The following ANK2 variants were observed in gnomAD, a reference collection of about 807,000 sequenced individuals.
The protein encoded by ANK2 is ankyrin 2.
ANK2 carries 83 observed loss-of-function variants against 360.5 expected under a neutral mutation model. That is an observed-to-expected ratio of 0.23 (90% CI 0.19 to 0.28). The LOEUF is 0.28. Ranked by LOEUF, ANK2 falls within the 10% of genes least tolerant of loss-of-function variation. ANK2 has a pLI of 1.00. For missense variants in ANK2, 4,201 were observed against 4,795.7 expected, an observed-to-expected ratio of 0.88 and a Z score of 3.66; for synonymous variants, 1,740 against 1,759.5, an observed-to-expected ratio of 0.99 and a Z score of 0.28.
Position 112,837,515 on chromosome 4 carries a change from G to A in ANK2, c.-40+19251G>A, listed in dbSNP as rs150385669. The stretch of plus-strand genomic sequence containing the variant: ...GAGGGCCACCATCCTCCAGACCCAA[G>A]AATGGTAGATCCACCAACAGCTTGC... On this transcript the variant is annotated intron_variant, in intron 1 of 30. Transcript: ENST00000503271. Among the ~76,000 whole-genome samples the A allele has an allele frequency of 4.8e-3, 732 of 152,312 alleles. 7 individuals carry two copies. The highest frequency in any genetic ancestry group is 0.017 in the African/African-American group (686 of 41,566).
At chr4:113,215,598 C>G (rs753627909) in intron 4 of ANK2, among the ~76,000 whole-genome samples, 2 of 151,988 alleles carry the variant, frequency 1.3e-5, no homozygotes, top group Non-Finnish European at 2.9e-5. Flanking sequence ...TTAACTTTAC[C>G]TTGGTATAAC....
At chr4:113,169,908 A>G (rs1314099246) in intron 1 of ANK2, among the ~76,000 whole-genome samples, 3 of 152,164 alleles carry the variant, frequency 2.0e-5, no homozygotes, top group Non-Finnish European at 2.9e-5. Flanking sequence ...AATGTCTGAA[A>G]CTAAATTTAA....
chr4:113,356,773 A>G lies in ANK2; in HGVS notation c.8155A>G (p.Thr2719Ala), dbSNP rs1554563090. ...CCAGCCTGTCGTTTCCAAACAATAT[A>G]CTTTCAAGATGAATGAAGATACTCA... Reference protein sequence around the residue: ...QFQPVVSKQYTFKMNEDTQEE... With the variant: ...QFQPVVSKQYAFKMNEDTQEE... Residue 2719 changes from threonine (T) to alanine (A), a missense_variant, in exon 38 of 46, where the codon ACT becomes GCT. Transcript: ENST00000357077. 1 of 1,614,118 alleles carries G rather than the reference A, an allele frequency of 6.2e-7. No homozygotes were observed. Among genetic ancestry groups the G allele is most frequent in the South Asian group, 1.1e-5 (1 of 91,082 alleles).
At chr4:113,163,034 C>T (rs940234291) in intron 1 of ANK2, among the ~76,000 whole-genome samples, 12 of 152,078 alleles carry the variant, frequency 7.9e-5, no homozygotes, top group Non-Finnish European at 1.8e-4. Context: ...ACAGCTAGAT[C>T]CTTCCAGTAA....
At chr4:113,017,105 G>A (rs2056843732) in intron 2 of ANK2, among the ~76,000 whole-genome samples, 1 of 152,108 alleles carries the variant, frequency 6.6e-6, no homozygotes, top group Non-Finnish European at 1.5e-5. Context: ...TTAACTTAAA[G>A]GTATTTCAAG....
At chr4:113,148,609 C>T (rs2096921724) in intron 1 of ANK2, among the ~76,000 whole-genome samples, 1 of 152,166 alleles carries the variant, frequency 6.6e-6, no homozygotes, top group African/African-American at 2.4e-5. Context: ...TACTTTTCTG[C>T]TAGCTGACTC....
At chr4:113,005,520 C>T (rs1475525134) in intron 2 of ANK2, among the ~76,000 whole-genome samples, 3 of 151,934 alleles carry the variant, frequency 2.0e-5, no homozygotes, top group African/African-American at 4.8e-5. Flanking sequence ...CTCATATGTA[C>T]GAGCTAAAAC....
At chr4:113,018,336 A>G (rs1169698043) in intron 2 of ANK2, among the ~76,000 whole-genome samples, 2 of 152,240 alleles carry the variant, frequency 1.3e-5, no homozygotes, top group African/African-American at 4.8e-5. Context: ...CAATCAAAAC[A>G]CCAGCTTACA....
the ANK2 span, among the ~76,000 whole-genome samples, chr4:112,713,169 C>CT: frequency 6.6e-6 from 1 of 152,176 alleles, no homozygotes; most frequent in African/African-American, 2.4e-5. Flanking sequence ...ACAGGTCCCT[C>CT]TAAGTGTCTT....
intron 1 of ANK2, among the ~76,000 whole-genome samples, chr4:112,835,862 T>G (rs2060881879): frequency 6.6e-6 from 1 of 152,174 alleles, no homozygotes; most frequent in South Asian, 2.1e-4. Flanking sequence ...TAGTGCCACT[T>G]TTCTCCATTT....
At chr4:113,309,480 CGTAATCAGAGGTG>C (rs2078820613) in intron 23 of ANK2, among the ~76,000 whole-genome samples, 1 of 152,098 alleles carries the variant, frequency 6.6e-6, no homozygotes, top group African/African-American at 2.4e-5. Flanking sequence ...AGGAACTCAG[CGTAATCAGAGGTG>C]GTTTTTTTGT....
At position 113,357,763 on chromosome 4, in the gene ANK2, C is replaced by A; in HGVS notation, c.9145C>A (p.Arg3049=). 1 of 1,613,970 alleles carries A rather than the reference C, an allele frequency of 6.2e-7. No homozygotes were observed. The highest frequency in any genetic ancestry group is 2.2e-5 in the East Asian group (1 of 44,876). The change falls in exon 38 of 46, where the codon CGG becomes AGG. Residue 3049 remains arginine, a synonymous_variant. Transcript: ENST00000357077. ...GGATTCTGATTCTTGGAGTGAAATT[C>A]GGGAAGACGATGAAGCCTTTGAGGC... The part of the protein sequence containing the change: ...DVDSDSWSEI[R]EDDEAFEARV...
rs2099389243 is a variant in ANK2 at position 113,237,088 on chromosome 4, T to C, written c.585T>C (p.Ala195=). 1.9e-6 allele frequency: 3 copies of C among 1,614,054 alleles called. No homozygotes were observed. The highest frequency in any genetic ancestry group is 1.3e-5 in the African/African-American group (1 of 74,930). The change falls in exon 6 of 46, where the codon GCT becomes GCC. Residue 195 remains alanine (A), a synonymous_variant. Transcript: ENST00000357077. ...NDTKGKVRLP[A]LHIAARKDDT... ...CCAAAGGGAAAGTGAGGCTGCCAGC[T>C]CTGCATATTGCCGCTAGGAAAGACG...
chr4:113,308,556 A>G lies in ANK2; in HGVS notation c.2549-2699A>G, dbSNP rs192802837. Among the ~76,000 whole-genome samples the G allele has an allele frequency of 9.8e-5, 15 of 152,306 alleles. No homozygotes were observed. The East Asian group carries it at 2.9e-3, about 29-fold the overall frequency. On this transcript the variant is annotated intron_variant, in intron 23 of 45. Coordinates refer to ENST00000357077, the MANE Select transcript of ANK2 (RefSeq NM_001148.6). ...AGAGAAGTAGAGACAGGGAAGAAAGACTCAAAAATATAGGGGGAAGACCAG... is the reference window on the plus strand; with the variant it reads ...AGAGAAGTAGAGACAGGGAAGAAAGGCTCAAAAATATAGGGGGAAGACCAG...
chr4:113,312,806 G>A (rs1173488327), intron 24 of ANK2, among the ~76,000 whole-genome samples: 1 of 152,172 alleles, frequency 6.6e-6, no homozygotes, highest in Non-Finnish European at 1.5e-5. Context: ...ATAGCAGGGG[G>A]ATCCTTCTGC....
At chr4:113,202,197 G>A (rs2098839256) in intron 4 of ANK2, among the ~76,000 whole-genome samples, 1 of 152,032 alleles carries the variant, frequency 6.6e-6, no homozygotes, top group Non-Finnish European at 1.5e-5. Context: ...ATACATGAGG[G>A]TTGATTATTT....
At chr4:112,731,293 C>CAAAAAAAAAAAAAAAAAAAAAAAAAAAA in the ANK2 span, among the ~76,000 whole-genome samples, 1 of 65,012 alleles carries the variant, frequency 1.5e-5, no homozygotes, top group Non-Finnish European at 3.2e-5. Flanking sequence ...GATGTAGTCT[C>CAAAAAAAAAAAAAAAAAAAAAAAAAAAA]AAAAAAAAAA....
intron 2 of ANK2, among the ~76,000 whole-genome samples, chr4:113,032,952 C>T (rs1470268958): frequency 6.6e-6 from 1 of 152,058 alleles, no homozygotes; most frequent in Non-Finnish European, 1.5e-5. Context: ...GAGCTCCCAG[C>T]TGACATTCAC....
At chr4:113,028,631 G>A (rs1227260736) in intron 2 of ANK2, among the ~76,000 whole-genome samples, 1 of 152,094 alleles carries the variant, frequency 6.6e-6, no homozygotes, top group Non-Finnish European at 1.5e-5. Context: ...GATTTATTTT[G>A]CAACAACTCA....
Sources: allele counts gnomAD v4.1 joint callset (sites outside exome capture counted in the v4.1 genomes callset), GRCh38; gene constraint gnomAD v4.1.1; transcripts MANE v1.5; gene names NCBI Gene and HGNC (gene_info 2026-07-23, HGNC 2026-07-21).